Variants in UBE2W observed in about 807,000 individuals in gnomAD.
UBE2W encodes ubiquitin conjugating enzyme E2 W.
UBE2W carries 18 observed loss-of-function variants against 27.2 expected under a neutral mutation model. The ratio of observed to expected loss-of-function variants is 0.66; its 90% CI spans 0.46 to 0.98. The LOEUF (loss-of-function observed/expected upper bound fraction) is 0.98, where lower values mean the gene tolerates loss of function less well. Among genes scored for constraint, UBE2W ranks in the 50% least tolerant of loss-of-function variants. UBE2W has a pLI of 0.00. For synonymous variants in UBE2W, 53 were observed against 57.2 expected (o/e 0.93, Z 0.33); for missense variants, 90 against 180.2 (o/e 0.50, Z 2.87).
At chr8:73,834,350 T>C (rs776030573) in intron 1 of UBE2W, among the ~76,000 whole-genome samples, 21 of 152,250 alleles carry the variant, frequency 1.4e-4, no homozygotes, top group Non-Finnish European at 2.8e-4. Flanking sequence ...TCTACTGATA[T>C]TCACAAATGA....
downstream of UBE2W, among the ~76,000 whole-genome samples, chr8:73,784,815 A>G (rs1281610042): frequency 6.6e-6 from 1 of 152,174 alleles, no homozygotes. Context: ...TTTTAGGCAT[A>G]TCCTGGGCAA....
chr8:73,798,483 G>C (rs1459714863), intron 5 of UBE2W, among the ~76,000 whole-genome samples: 1 of 152,076 alleles, frequency 6.6e-6, no homozygotes, highest in African/African-American at 2.4e-5. Context: ...TTTCGAATAA[G>C]GGATATTCAA....
In UBE2W at chr8:73,855,394, C is replaced by CTTTTTTTT. The variant is rs66577299; in HGVS notation, c.15+23406_15+23413dup. Among the ~76,000 whole-genome samples, 45 of 84,706 alleles carry CTTTTTTTT rather than the reference C, an allele frequency of 5.3e-4. 3 individuals are homozygous for CTTTTTTTT. The highest frequency in any genetic ancestry group is 1.8e-3 in the African/African-American group (35 of 19,402). 55.6% of individuals were successfully genotyped at this position (84,706 alleles called of 152,430 possible). On this transcript the variant is annotated intron_variant, in intron 1 of 5. Coordinates refer to ENST00000602593, the MANE Select transcript of UBE2W (RefSeq NM_018299.6). Reference sequence around the variant, plus strand: ...ATACTTCATCTTTATATTCTACTTTCTTTTTTTTTTTTTTTTTTTTTTTTT... The same window carrying CTTTTTTTT: ...ATACTTCATCTTTATATTCTACTTTCTTTTTTTTTTTTTTTTTTTTTTTTTTTTTTTTT...
At chr8:73,846,981 C>T (rs535336550) in intron 1 of UBE2W, among the ~76,000 whole-genome samples, 74 of 152,066 alleles carry the variant, frequency 4.9e-4, no homozygotes, top group African/African-American at 1.4e-3. Context: ...GAGACCATAC[C>T]GGCTAACAAA....
At chr8:73,798,391 C>T (rs138003733) in intron 5 of UBE2W, among the ~76,000 whole-genome samples, 309 of 152,222 alleles carry the variant, frequency 2.0e-3, no homozygotes, top group African/African-American at 7.2e-3. Flanking sequence ...GACTTGGCTC[C>T]CATCCCCAAG....
intron 1 of UBE2W, among the ~76,000 whole-genome samples, chr8:73,876,562 G>C (rs993445184): frequency 1.3e-5 from 2 of 152,102 alleles, no homozygotes; most frequent in Non-Finnish European, 2.9e-5. Context: ...GATTTCGATG[G>C]AACAAGGTGA....
intron 5 of UBE2W, among the ~76,000 whole-genome samples, chr8:73,801,740 T>C (rs904325229): frequency 9.9e-5 from 15 of 152,212 alleles, no homozygotes; most frequent in African/African-American, 3.6e-4. Context: ...TGTTTGGTCC[T>C]AAAAGGCAAA....
intron 4 of UBE2W, among the ~76,000 whole-genome samples, chr8:73,809,193 CA>C (rs1425774980): frequency 1.3e-5 from 2 of 151,982 alleles, no homozygotes; most frequent in Admixed American, 6.6e-5. Context: ...AGTAAAAAAA[CA>C]AAACAAAACC....
At chr8:73,825,693 C>A (rs942679531) in intron 2 of UBE2W, among the ~76,000 whole-genome samples, 1 of 152,054 alleles carries the variant, frequency 6.6e-6, no homozygotes, top group Non-Finnish European at 1.5e-5. Context: ...CCCAGCTACT[C>A]AGGAGGCTGA....
At chr8:73,878,546 C>T (rs1276884979) in intron 1 of UBE2W, among the ~76,000 whole-genome samples, 1 of 152,200 alleles carries the variant, frequency 6.6e-6, no homozygotes, top group Non-Finnish European at 1.5e-5. Flanking sequence ...CCAGACTTTG[C>T]CCTTTCTTCC....
At chr8:73,843,261 T>A (rs1054669187) in intron 1 of UBE2W, among the ~76,000 whole-genome samples, 1 of 152,286 alleles carries the variant, frequency 6.6e-6, no homozygotes, top group East Asian at 1.9e-4. Context: ...AAGGGTATGG[T>A]TGCACAACAG....
intron 5 of UBE2W, among the ~76,000 whole-genome samples, chr8:73,800,397 G>A (rs78763595): frequency 0.056 from 8,446 of 152,040 alleles, 757 homozygotes; most frequent in African/African-American, 0.19. Context: ...GATAAGAATG[G>A]TCATCGCAAG....
At chr8:73,804,061 C>T (rs1400704539) in intron 5 of UBE2W, among the ~76,000 whole-genome samples, 21 of 152,002 alleles carry the variant, frequency 1.4e-4, no homozygotes, top group Admixed American at 1.3e-4. Flanking sequence ...CCACCACGCC[C>T]GGCCACTTCT....
intron 5 of UBE2W, among the ~76,000 whole-genome samples, chr8:73,798,413 T>C (rs897482749): frequency 6.6e-6 from 1 of 152,246 alleles, no homozygotes; most frequent in Non-Finnish European, 1.5e-5. Context: ...TAGCTCATTA[T>C]GTATATGCAA....
chr8:73,838,961 G>T (rs949071141), intron 1 of UBE2W, among the ~76,000 whole-genome samples: 3 of 152,142 alleles, frequency 2.0e-5, no homozygotes, highest in African/African-American at 4.8e-5. Flanking sequence ...CCTCTAGGGG[G>T]TATTTGGACC....
chr8:73,790,608 G>C lies in UBE2W; in HGVS notation c.*3494C>G, dbSNP rs992259037. On this transcript the variant is annotated 3_prime_UTR_variant, in exon 6 of 6. Coordinates refer to ENST00000602593, the MANE Select transcript of UBE2W (RefSeq NM_018299.6). Reference sequence around the variant, plus strand: ...AAGCAGCAGTAACCATAAAGGCTTAGAACTAGTGACACTGAATTCTTTATT... The same window carrying C: ...AAGCAGCAGTAACCATAAAGGCTTACAACTAGTGACACTGAATTCTTTATT... 1.0e-6 allele frequency: 1 copy of C among 985,008 alleles called. No individual in the cohort carries two copies. Among genetic ancestry groups the C allele is most frequent in the Non-Finnish European group, 1.2e-6 (1 of 829,608 alleles). The allele number at this position is 985,008 out of a possible 1,614,324, so 61.0% of individuals were successfully genotyped here.
rs1159533779 is a variant in UBE2W at position 73,791,741 on chromosome 8, T to C, written c.*2361A>G. On this transcript the variant is annotated 3_prime_UTR_variant, in exon 6 of 6. Transcript: ENST00000602593. Reference sequence around the variant, plus strand: ...CCTGATTATGAATTTTAAATGTCTGTGCTCCTATATTTTAGGATATTTCAT... The same window carrying C: ...CCTGATTATGAATTTTAAATGTCTGCGCTCCTATATTTTAGGATATTTCAT... 4 of 982,720 alleles carry C rather than the reference T, an allele frequency of 4.1e-6. No homozygotes were observed. The African/African-American group carries it at 7.1e-5, about 17-fold the overall frequency. The allele number at this position is 982,720 out of a possible 1,614,324, so 60.9% of individuals were successfully genotyped here. A position where few individuals can be genotyped will look rare whatever the true frequency, so the allele number is the denominator to read the frequency against.
In UBE2W at chr8:73,786,826, T is replaced by C. The variant is rs1232360225; in HGVS notation, c.*7276A>G. ...TTGAAAAATGCAAGGAGAGGACTAC[T>C]GAGTATCATTGCTTGATTAAGTTGG... On this transcript the variant is annotated 3_prime_UTR_variant, in exon 6 of 6. Transcript: ENST00000602593. 1 of 985,300 alleles carries C rather than the reference T, an allele frequency of 1.0e-6. No individual in the cohort carries two copies. Among genetic ancestry groups the C allele is most frequent in the Non-Finnish European group, 1.2e-6 (1 of 829,888 alleles). The allele number at this position is 985,300 out of a possible 1,614,324, so 61.0% of individuals were successfully genotyped here. A position where few individuals can be genotyped will look rare whatever the true frequency, so the allele number is the denominator to read the frequency against.
At chr8:73,847,600 C>G (rs1339053266) in intron 1 of UBE2W, among the ~76,000 whole-genome samples, 1 of 150,936 alleles carries the variant, frequency 6.6e-6, no homozygotes, top group Non-Finnish European at 1.5e-5. Flanking sequence ...CCATCATCAA[C>G]GGTAAAACGG....
Sources: gnomAD v4.1 joint callset for allele counts (sites outside exome capture counted in the v4.1 genomes callset) on GRCh38, gnomAD v4.1.1 for gene constraint, MANE v1.5 for transcripts, NCBI Gene and HGNC (gene_info 2026-07-23, HGNC 2026-07-21) for gene names.